The following RBCK1 variants were observed in gnomAD, a reference collection of about 807,000 sequenced individuals.
RBCK1 encodes RANBP2-type and C3HC4-type zinc finger containing 1, also known as ranBP-type and C3HC4-type zinc finger-containing protein 1.
RBCK1 carries 44 observed loss-of-function variants against 71.1 expected under a neutral mutation model. The ratio of observed to expected loss-of-function variants is 0.62; its 90% confidence interval spans 0.49 to 0.80. The LOEUF (loss-of-function observed/expected upper bound fraction) is 0.80. Among genes scored for constraint, RBCK1 ranks in the 30% least tolerant of loss-of-function variants. The probability of loss-of-function intolerance (pLI) is 0.00; values close to 1 mark genes in which losing one functional copy is unlikely to be tolerated. For missense variants in RBCK1, 569 were observed against 685.0 expected, an observed-to-expected ratio of 0.83 and a Z score of 1.89; for synonymous variants, 306 against 279.7, an observed-to-expected ratio of 1.09 and a Z score of -0.94.
intron 2 of RBCK1, among the ~76,000 whole-genome samples, chr20:412,319 G>A (rs1003103523): frequency 1.3e-5 from 2 of 149,782 alleles, no homozygotes; most frequent in Non-Finnish European, 3.0e-5. Context: ...TTAAAATTGG[G>A]TTTATCTTTT....
intron 2 of RBCK1, among the ~76,000 whole-genome samples, chr20:416,247 C>T (rs531215245): frequency 6.6e-6 from 1 of 151,796 alleles, no homozygotes; most frequent in South Asian, 2.1e-4. Flanking sequence ...GGTCCGCCTC[C>T]CGGGTTCACA....
At chr20:410,233 A>AT (rs1293130598) in intron 2 of RBCK1, among the ~76,000 whole-genome samples, 1 of 152,158 alleles carries the variant, frequency 6.6e-6, no homozygotes, top group Non-Finnish European at 1.5e-5. Context: ...AACAGTAGCT[A>AT]TCTCATAGGG....
Position 408,696 on chromosome 20 carries a change from C to G in RBCK1, c.-62C>G. ...TGGTCTCCCGCCTCTCCCAGGCGAC[C>G]CGGAGGTAGCATTTCCCAGGAGGCA... On this transcript the variant is annotated 5_prime_UTR_variant, in exon 1 of 12. Coordinates refer to ENST00000356286, the MANE Select transcript of RBCK1 (RefSeq NM_031229.4). The G allele has an allele frequency of 6.2e-7, 1 of 1,603,300 alleles. No individual in the cohort carries two copies. Among genetic ancestry groups the G allele is most frequent in the South Asian group, 1.1e-5 (1 of 89,026 alleles).
At chr20:418,407 C>G (rs181270406) in intron 4 of RBCK1, among the ~76,000 whole-genome samples, 1 of 151,884 alleles carries the variant, frequency 6.6e-6, no homozygotes, top group South Asian at 2.1e-4. Context: ...CTCGCTCTGT[C>G]GCCCAGGCTG....
rs768525416 is a variant in RBCK1 at position 426,816 on chromosome 20, CTTTTTTTTTTTTT to C, written c.1030-481_1030-469del. Reference sequence around the variant, plus strand: ...TCACTTTCTTTTTACTTTTCTTTTCCTTTTTTTTTTTTTTTTTTTTTTTTTTTTAGCTAGGATT... The same window carrying C: ...TCACTTTCTTTTTACTTTTCTTTTCCTTTTTTTTTTTTTTTAGCTAGGATT... On this transcript the variant is annotated intron_variant, in intron 8 of 11. Transcript: ENST00000356286. Among the ~76,000 whole-genome samples, 320 of 95,482 alleles carry C rather than the reference CTTTTTTTTTTTTT, an allele frequency of 3.4e-3. 2 individuals carry two copies. The highest frequency in any genetic ancestry group is 0.016 in the African/African-American group (291 of 18,726). The allele number at this position is 95,482 out of a possible 152,430, so 62.6% of individuals were successfully genotyped here. A position where few individuals can be genotyped will look rare whatever the true frequency, so the allele number is the denominator to read the frequency against.
chr20:409,991 CTG>C lies in RBCK1; in HGVS notation c.134_135del (p.Leu45GlnfsTer3). On this transcript the variant is annotated frameshift_variant, in exon 2 of 12. Coordinates refer to ENST00000356286, the MANE Select transcript of RBCK1 (RefSeq NM_031229.4). LOFTEE classifies it high-confidence loss of function. ...GCAACGGGTGCCCCTGAGTGTGCAA[CTG>C]AAGCCTGAGGTCTCCCCAACGCAGG... is the stretch of plus-strand genomic sequence containing the variant. The part of the protein sequence containing the change: ...AEQRVPLSVQ[L>X]KPEVSPTQDI... The C allele has an allele frequency of 3.7e-6, 6 of 1,614,176 alleles. No homozygotes were observed. Among genetic ancestry groups the C allele is most frequent in the Non-Finnish European group, 5.1e-6 (6 of 1,180,020 alleles).
intron 6 of RBCK1, 109 bp downstream of exon 6, chr20:419,840 C>A: frequency 6.9e-7 from 1 of 1,447,856 alleles, no homozygotes; most frequent in South Asian, 1.4e-5. Context: ...TGCCTTGCCC[C>A]TCCCAACCAT....
At chr20:429,224 GA>G in intron 11 of RBCK1, 130 bp downstream of exon 11, 5 of 1,188,588 alleles carry the variant, frequency 4.2e-6, no homozygotes, top group Non-Finnish European at 5.5e-6. Context: ...CCCGAGGTAA[GA>G]ATTTTTTTTT....
At chr20:420,831 AGGCCCTGACCCGCCCCGT>A (rs1600297390) in intron 6 of RBCK1, 22 bp from the exon 7 acceptor site, 3 of 1,503,332 alleles carry the variant, frequency 2.0e-6, no homozygotes, top group Non-Finnish European at 2.7e-6. Context: ...CCCGCCCCCG[AGGCCCTGACCCGCCCCGT>A]GGCCCCGCCC....
chr20:424,293 G>C (rs1036170314), intron 8 of RBCK1, among the ~76,000 whole-genome samples: 1 of 152,106 alleles, frequency 6.6e-6, no homozygotes, highest in Non-Finnish European at 1.5e-5. Flanking sequence ...TGGACAGTTG[G>C]GCTTGATTCA....
At chr20:420,834 C>T in intron 6 of RBCK1, 37 bp from the exon 7 acceptor site, 12 of 1,532,024 alleles carry the variant, frequency 7.8e-6, no homozygotes, top group South Asian at 1.2e-5. Context: ...GCCCCCGAGG[C>T]CCTGACCCGC....
In RBCK1 at chr20:419,357, C is replaced by A. The variant is rs771753077; in HGVS notation, c.471C>A (p.Phe157Leu). ...AACCCTCCTCCACAGATCTGGGCTT[C>A]AAGGACCTCACGCTGCAGCCGCGGG... Reference protein sequence around the residue: ...RQLRMLEDLGFKDLTLQPRGP... With the variant: ...RQLRMLEDLGLKDLTLQPRGP... Residue 157 changes from phenylalanine (F) to leucine (L), a missense_variant, in exon 5 of 12, where the codon TTC (phenylalanine) becomes TTA (leucine). Physicochemically the swap from Phe to Leu is conservative, Grantham distance 22. Coordinates refer to ENST00000356286, the MANE Select transcript of RBCK1 (RefSeq NM_031229.4). 1 of 1,612,190 alleles carries A rather than the reference C, an allele frequency of 6.2e-7. No homozygotes were observed. Among genetic ancestry groups the A allele is most frequent in the South Asian group, 1.1e-5 (1 of 91,044 alleles).
rs759644816 is a variant in RBCK1 at position 432,095 on chromosome 20, A to G, written c.*1665A>G. On this transcript the variant is annotated 3_prime_UTR_variant, in exon 12 of 12. Transcript: ENST00000356286. This position sits in a 1 kb window ranked among gnomAD's most constrained non-coding sequence, Gnocchi z 4.3. ...TTGCCCATCTTTTTAAATTGGCAAC[A>G]TCGTTTACCACATTAAAATCTAGAT... Among the ~76,000 whole-genome samples the G allele has an allele frequency of 6.6e-6, 1 of 152,234 alleles. No individual in the cohort carries two copies. Among genetic ancestry groups the G allele is most frequent in the Non-Finnish European group, 1.5e-5 (1 of 68,046 alleles).
Position 431,332 on chromosome 20 carries a change from C to T in RBCK1, c.*902C>T, listed in dbSNP as rs1414667156. Among the ~76,000 whole-genome samples, 1 of 152,086 alleles carries T rather than the reference C, an allele frequency of 6.6e-6. No homozygotes were observed. The highest frequency in any genetic ancestry group is 6.6e-5 in the Admixed American group (1 of 15,266). On this transcript the variant is annotated 3_prime_UTR_variant, in exon 12 of 12. Coordinates refer to ENST00000356286, the MANE Select transcript of RBCK1 (RefSeq NM_031229.4). This position sits in a 1 kb window ranked among gnomAD's most constrained non-coding sequence, Gnocchi z 4.8. ...GATAGTTCAAGAAGGAACGAAGCTG[C>T]TGCAGTTGAGGGGTGGGGTTGTCCA...
At chr20:427,925 A>G (rs1274073831) in intron 9 of RBCK1, among the ~76,000 whole-genome samples, 1 of 152,118 alleles carries the variant, frequency 6.6e-6, no homozygotes, top group East Asian at 1.9e-4. Flanking sequence ...AATCTGTGAC[A>G]GACTAAGGCC....
At chr20:420,657 C>A in intron 6 of RBCK1, 1 of 335,856 alleles carries the variant, frequency 3.0e-6, no homozygotes, top group Non-Finnish European at 3.3e-6. Flanking sequence ...CCCAACCTGC[C>A]TGCTCCTGCC....
intron 4 of RBCK1, among the ~76,000 whole-genome samples, chr20:419,101 C>T (rs1037300308): frequency 2.0e-5 from 3 of 152,150 alleles, no homozygotes; most frequent in African/African-American, 7.2e-5. Context: ...TCAGGAGGCA[C>T]GGAAGGGCTG....
In RBCK1 at chr20:417,672, C is replaced by T. The variant is rs2016078229; in HGVS notation, c.261+53C>T. The T allele has an allele frequency of 1.9e-6, 3 of 1,604,244 alleles. No individual in the cohort carries two copies. Among genetic ancestry groups the T allele is most frequent in the African/African-American group, 1.3e-5 (1 of 74,734 alleles). ...GGGGTGAAGGCTCTCCCTTTCACTC[C>T]TGCTTCCTCTCTCTCCTCTGGCCCT... is the stretch of plus-strand genomic sequence containing the variant. On this transcript the variant is annotated intron_variant, in intron 3 of 11. Coordinates refer to ENST00000356286, the MANE Select transcript of RBCK1 (RefSeq NM_031229.4). The surrounding 1 kb of genome is among the most constrained non-coding windows in gnomAD (Gnocchi z 4.7).
In RBCK1 at chr20:418,554, G is replaced by C. The variant is rs528956730; in HGVS notation, c.460+624G>C. Among the ~76,000 whole-genome samples the C allele has an allele frequency of 3.2e-3, 480 of 152,230 alleles. 4 individuals carry two copies. Among genetic ancestry groups the C allele is most frequent in the African/African-American group, 0.011 (466 of 41,560 alleles). On this transcript the variant is annotated intron_variant, in intron 4 of 11. Transcript: ENST00000356286. Reference sequence around the variant, plus strand: ...CGGCTAATTTTTTATATTTTTAGTAGAGACGGGGTTTCACCGTGTTAGCCA... The same window carrying C: ...CGGCTAATTTTTTATATTTTTAGTACAGACGGGGTTTCACCGTGTTAGCCA...
Sources: gnomAD v4.1 joint callset for allele counts (sites outside exome capture counted in the v4.1 genomes callset) on GRCh38, gnomAD v4.1.1 for gene constraint, Gnocchi (gnomAD v3.1) non-coding constraint, MANE v1.5 for transcripts, NCBI Gene and HGNC (gene_info 2026-07-23, HGNC 2026-07-21) for gene names.